The following C9orf72 variants were observed in gnomAD, a reference collection of about 807,000 sequenced individuals.
The protein encoded by C9orf72 is guanine nucleotide exchange factor C9orf72.
Under a neutral mutation model 51.6 loss-of-function variants are expected in C9orf72, and 44 were observed. That is an observed-to-expected ratio of 0.85 (90% CI 0.67 to 1.10). The LOEUF (loss-of-function observed/expected upper bound fraction) is 1.10, where lower values mean the gene tolerates loss of function less well. Among genes scored for constraint, C9orf72 ranks in the 50% least tolerant of loss-of-function variants. C9orf72 has a pLI of 0.00. For missense variants in C9orf72, 607 were observed against 570.6 expected (o/e 1.06, Z -0.65); for synonymous variants, 213 against 194.2 (o/e 1.10, Z -0.81).
rs1488981688 is a variant in C9orf72 at position 27,548,619 on chromosome 9, T to C, written c.1197A>G (p.Ala399=). The C allele has an allele frequency of 1.2e-6, 2 of 1,612,988 alleles. No individual in the cohort carries two copies. The highest frequency in any genetic ancestry group is 2.2e-5 in the South Asian group (2 of 91,058). ...PGLSLRSTFL[A]QFLLVLHRKA... ...TTCTGTGAAGGACAAGTAGAAACTG[T>C]GCAAGGAAAGTACTTCTGAGAGATA... The change falls in exon 10 of 11, where the codon GCA becomes GCG. Residue 399 remains alanine, a synonymous_variant. Coordinates refer to ENST00000380003, the MANE Select transcript of C9orf72 (RefSeq NM_018325.5).
At chr9:27,573,208 G>GCGC (rs546630378) in intron 1 of C9orf72, among the ~76,000 whole-genome samples, 240 of 151,914 alleles carry the variant, frequency 1.6e-3, no homozygotes, top group Middle Eastern at 6.8e-3. Context: ...CCTTGTCCCT[G>GCGC]CGCCGCCGCC....
chr9:27,548,435 G>GAAAAAAAAAAAAAAAAAAAAAAAA lies in C9orf72; in HGVS notation c.1260-37_1260-14dup. 1 of 174,270 alleles carries GAAAAAAAAAAAAAAAAAAAAAAAA rather than the reference G, an allele frequency of 5.7e-6. No homozygotes were observed. Among genetic ancestry groups the GAAAAAAAAAAAAAAAAAAAAAAAA allele is most frequent in the South Asian group, 1.2e-4 (1 of 8,640 alleles). The allele number at this position is 174,270 out of a possible 1,614,324, so 10.8% of individuals were successfully genotyped here. ...TTTTCCCTTCTGCCTAAAAATAATG[G>GAAAAAAAAAAAAAAAAAAAAAAAA]AAAAAAAAAAAAAAAAAAAAAAAAA... On this transcript the variant is annotated splice_polypyrimidine_tract_variant and intron_variant, in intron 10 of 10. Transcript: ENST00000380003.
chr9:27,572,523 T>C (rs1819609656), intron 1 of C9orf72, among the ~76,000 whole-genome samples: 1 of 152,050 alleles, frequency 6.6e-6, no homozygotes, highest in Non-Finnish European at 1.5e-5. Context: ...TTACGTACCC[T>C]TGTTGTGAAC....
chr9:27,549,918 C>T (rs749148060), intron 9 of C9orf72, among the ~76,000 whole-genome samples: 15 of 151,584 alleles, frequency 9.9e-5, no homozygotes, highest in Non-Finnish European at 2.2e-4. Context: ...ATCATTTAGA[C>T]ACTTTAGAAA....
At chr9:27,554,494 G>A (rs1035214075) in intron 8 of C9orf72, 1 of 397,658 alleles carries the variant, frequency 2.5e-6, no homozygotes, top group Non-Finnish European at 4.4e-6. Flanking sequence ...TTGAGGGTGG[G>A]AGAAGGGTGA....
At position 27,547,803 on chromosome 9, in the gene C9orf72, T is replaced by C. The variant is rs1349853121; in HGVS notation, c.*433A>G. The C allele has an allele frequency of 6.5e-6, 1 of 152,894 alleles. No individual in the cohort carries two copies. Among genetic ancestry groups the C allele is most frequent in the Non-Finnish European group, 1.5e-5 (1 of 68,236 alleles). The allele number at this position is 152,894 out of a possible 1,614,324, so 9.5% of individuals were successfully genotyped here. On this transcript the variant is annotated 3_prime_UTR_variant, in exon 11 of 11. Coordinates refer to ENST00000380003, the MANE Select transcript of C9orf72 (RefSeq NM_018325.5). ...ATCATTTAAAGGCTCTAGTTTTCAG[T>C]TGATTGCAGAAGTATTACAGTAATT...
chr9:27,553,991 CTAT>C (rs1304920073), intron 8 of C9orf72, among the ~76,000 whole-genome samples: 3 of 151,898 alleles, frequency 2.0e-5, no homozygotes, highest in Admixed American at 1.3e-4. Context: ...CTAGGAATGG[CTAT>C]TATTAAAAAG....
Position 27,548,232 on chromosome 9 carries a change from A to G in C9orf72, c.*4T>C, listed in dbSNP as rs1281832180. On this transcript the variant is annotated 3_prime_UTR_variant, in exon 11 of 11. Transcript: ENST00000380003. ...TGATGGAATAGGCTTATTAAGTTAC[A>G]CATTTAAAAAGTCATTAGAACATCT... The G allele has an allele frequency of 1.2e-6, 2 of 1,600,338 alleles. No individual in the cohort carries two copies. The highest frequency in any genetic ancestry group is 2.7e-5 in the African/African-American group (2 of 74,340).
chr9:27,551,464 C>T (rs1273854737), intron 8 of C9orf72, among the ~76,000 whole-genome samples: 1 of 152,150 alleles, frequency 6.6e-6, no homozygotes, highest in Admixed American at 6.5e-5. Context: ...CTACTCAGGC[C>T]AGAGGGTAAG....
At chr9:27,549,643 G>A (rs888267734) in intron 9 of C9orf72, among the ~76,000 whole-genome samples, 9 of 151,890 alleles carry the variant, frequency 5.9e-5, no homozygotes, top group African/African-American at 2.2e-4. Context: ...TATAATCTAC[G>A]ATTTCCTTCA....
intron 5 of C9orf72, chr9:27,560,772 A>G: frequency 2.0e-6 from 2 of 984,200 alleles, no homozygotes; most frequent in Non-Finnish European, 2.4e-6. Flanking sequence ...GACTGTGAAC[A>G]TAAAAGTGAA....
intron 9 of C9orf72, among the ~76,000 whole-genome samples, chr9:27,549,806 G>A (rs1309075132): frequency 6.7e-6 from 1 of 150,040 alleles, no homozygotes; most frequent in East Asian, 1.9e-4. Context: ...ACTTGTTATA[G>A]GTTAATGCTT....
chr9:27,559,837 G>A (rs774357), intron 6 of C9orf72: 31,404 of 153,676 alleles, frequency 0.2, 3,371 homozygotes, highest in Middle Eastern at 0.28. Flanking sequence ...GAAGGAAAGC[G>A]AAGACAATGA....
chr9:27,566,170 G>C (rs1390491740), intron 2 of C9orf72, among the ~76,000 whole-genome samples: 1 of 152,074 alleles, frequency 6.6e-6, no homozygotes, highest in Non-Finnish European at 1.5e-5. Context: ...ACAGGATTTA[G>C]GAAAACAATA....
intron 1 of C9orf72, among the ~76,000 whole-genome samples, chr9:27,571,631 T>C (rs1458800684): frequency 2.0e-5 from 3 of 152,192 alleles, no homozygotes; most frequent in African/African-American, 7.2e-5. Flanking sequence ...AAGTTTTTAA[T>C]TTTTTGTAGA....
chr9:27,566,661 C>T lies in C9orf72; in HGVS notation c.444+16G>A. The T allele has an allele frequency of 1.3e-6, 2 of 1,540,728 alleles. No individual in the cohort carries two copies. Among genetic ancestry groups the T allele is most frequent in the African/African-American group, 1.4e-5 (1 of 72,630 alleles). On this transcript the variant is annotated intron_variant, in intron 2 of 10. Transcript: ENST00000380003. ...CAGATAGGTTAACATGATTAATAAGCTGAAAAATCACTTACCTTATGCATC... is the reference window on the plus strand; with the variant it reads ...CAGATAGGTTAACATGATTAATAAGTTGAAAAATCACTTACCTTATGCATC...
chr9:27,547,989 ATATT>A lies in C9orf72; in HGVS notation c.*243_*246del. 3.5e-6 allele frequency: 1 copy of A among 285,162 alleles called. No homozygotes were observed. 17.7% of individuals were successfully genotyped at this position (285,162 alleles called of 1,614,324 possible). A position where few individuals can be genotyped will look rare whatever the true frequency, so the allele number is the denominator to read the frequency against. On this transcript the variant is annotated 3_prime_UTR_variant, in exon 11 of 11. Transcript: ENST00000380003. The stretch of plus-strand genomic sequence containing the variant: ...ATTATATCTTTAAAAGATAGCAATA[ATATT>A]TATTATATTGTAAACATAGGTCTGT...
rs1160361643 is a variant in C9orf72, at chr9:27,567,111, G to A, written c.10C>T (p.Leu4Phe). The A allele has an allele frequency of 1.2e-6, 2 of 1,612,750 alleles. No homozygotes were observed. Among genetic ancestry groups the A allele is most frequent in the African/African-American group, 1.3e-5 (1 of 74,912 alleles). The change falls in exon 2 of 11, where the codon CTT (leucine) becomes TTT (phenylalanine). Residue 4 changes from leucine (L) to phenylalanine (F), a missense_variant. Physicochemically the swap from Leu to Phe is conservative, Grantham distance 22. Coordinates refer to ENST00000380003, the MANE Select transcript of C9orf72 (RefSeq NM_018325.5). ...ACAGCTGGAGATGGCGGTGGGCAAA[G>A]AGTCGACATCACTGCATTCCAACTG... MST[L>F]CPPPSPAVAK...
chr9:27,551,934 C>T (rs779337506), intron 8 of C9orf72, among the ~76,000 whole-genome samples: 19 of 152,246 alleles, frequency 1.2e-4, no homozygotes, highest in South Asian at 4.1e-4. Context: ...ATTCGTTTTG[C>T]GGCTATTGTG....
Sources: gnomAD v4.1 joint callset for allele counts (sites outside exome capture counted in the v4.1 genomes callset) on GRCh38, gnomAD v4.1.1 for gene constraint, MANE v1.5 for transcripts, NCBI Gene and HGNC (gene_info 2026-07-23, HGNC 2026-07-21) for gene names.